Variants in HSPA4L observed in about 807,000 individuals in gnomAD.
HSPA4L encodes the protein heat shock protein family A (Hsp70) member 4 like, also known as heat shock 70 kDa protein 4L.
In HSPA4L, 48 loss-of-function variants were observed where a neutral mutation model predicts 100.3. The ratio of observed to expected loss-of-function variants is 0.48; its 90% CI spans 0.38 to 0.61. The LOEUF (loss-of-function observed/expected upper bound fraction) is 0.61. HSPA4L is among the 20% of genes least tolerant of loss of function. HSPA4L has a pLI of 0.00. For synonymous variants in HSPA4L, 319 were observed against 328.2 expected (o/e 0.97, Z 0.30); for missense variants, 886 against 988.6 (o/e 0.90, Z 1.39).
Position 127,794,108 on chromosome 4 carries a change from G to A in HSPA4L, c.139G>A (p.Ala47Thr), listed in dbSNP as rs1560652789. Residue 47 changes from alanine (A) to threonine (T), a missense_variant, in exon 2 of 19, where the codon GCC (alanine) becomes ACC (threonine). Physicochemically the swap from Ala to Thr is moderately conservative, Grantham distance 58 (BLOSUM62 0). Transcript: ENST00000296464. ...ACISLGSRTR[A>T]IGNAAKSQIV... ...TATATCATTGGGATCAAGAACTCGAGCCATTGGAAATGCAGCAAAGAGCCA... is the reference window on the plus strand; with the variant it reads ...TATATCATTGGGATCAAGAACTCGAACCATTGGAAATGCAGCAAAGAGCCA... 6.2e-7 allele frequency: 1 copy of A among 1,611,106 alleles called. No individual in the cohort carries two copies. The highest frequency in any genetic ancestry group is 8.5e-7 in the Non-Finnish European group (1 of 1,178,142).
At chr4:127,806,781 TTA>T (rs1733370206) in intron 10 of HSPA4L, among the ~76,000 whole-genome samples, 1 of 152,054 alleles carries the variant, frequency 6.6e-6, no homozygotes, top group South Asian at 2.1e-4. Context: ...CATTTTGAAG[TTA>T]TTTTTTAAAT....
intron 1 of HSPA4L, among the ~76,000 whole-genome samples, chr4:127,782,899 T>C (rs1459808850): frequency 6.6e-6 from 1 of 152,146 alleles, no homozygotes; most frequent in African/African-American, 2.4e-5. Flanking sequence ...CGCAGCTCTC[T>C]TTTCTGTACC....
chr4:127,834,657 GT>G lies in HSPA4L; in HGVS notation c.*1784del, dbSNP rs1734164265. 1 of 152,116 alleles carries G rather than the reference GT, an allele frequency of 6.6e-6. No individual in the cohort carries two copies. The highest frequency in any genetic ancestry group is 1.5e-5 in the Non-Finnish European group (1 of 67,992). The allele number at this position is 152,116 out of a possible 1,614,324, so 9.4% of individuals were successfully genotyped here. On this transcript the variant is annotated 3_prime_UTR_variant, in exon 19 of 19. Coordinates refer to ENST00000296464, the MANE Select transcript of HSPA4L (RefSeq NM_014278.4). ...GATGCTTTTTATTTGTATGTTGAAT[GT>G]ACAGATTCATTTCAAGAAAAGCATG...
At position 127,782,488 on chromosome 4, in the gene HSPA4L, G is replaced by C. The variant is rs763921070; in HGVS notation, c.-63G>C. 2.2e-6 allele frequency: 3 copies of C among 1,376,158 alleles called. No individual in the cohort carries two copies. The highest frequency in any genetic ancestry group is 3.1e-6 in the Non-Finnish European group (3 of 966,454). The allele number at this position is 1,376,158 out of a possible 1,614,324, so 85.2% of individuals were successfully genotyped here. A position where few individuals can be genotyped will look rare whatever the true frequency, so the allele number is the denominator to read the frequency against. ...TCGCAATCCCAGCAGCAATAGCCCA[G>C]AAGAGGACACGGTTCCCGTACCGAA... is the stretch of plus-strand genomic sequence containing the variant. On this transcript the variant is annotated 5_prime_UTR_variant, in exon 1 of 19. Transcript: ENST00000296464.
chr4:127,830,826 T>G (rs769811227), intron 18 of HSPA4L, 27 bp downstream of exon 18: 10 of 1,482,238 alleles, frequency 6.7e-6, no homozygotes, highest in Non-Finnish European at 9.0e-6. Context: ...ATTGCCTTTT[T>G]AATGGTTTCA....
At chr4:127,785,403 G>A (rs1204199851) in intron 1 of HSPA4L, among the ~76,000 whole-genome samples, 3 of 151,960 alleles carry the variant, frequency 2.0e-5, no homozygotes, top group South Asian at 2.1e-4. Flanking sequence ...AAGGGAAGGG[G>A]AAGTATTTAC....
chr4:127,791,486 C>T (rs1353588712), intron 1 of HSPA4L, among the ~76,000 whole-genome samples: 4 of 152,220 alleles, frequency 2.6e-5, no homozygotes, highest in African/African-American at 9.6e-5. Context: ...ATAAGCACAT[C>T]TCAATTCAGA....
chr4:127,830,647 T>C lies in HSPA4L; in HGVS notation c.2176T>C (p.Tyr726His). The C allele has an allele frequency of 6.3e-7, 1 of 1,580,026 alleles. No individual in the cohort carries two copies. The highest frequency in any genetic ancestry group is 1.4e-5 in the African/African-American group (1 of 72,432). The change falls in exon 18 of 19, where the codon TAT (tyrosine) becomes CAT (histidine). Residue 726 changes from tyrosine (Y) to histidine (H), a missense_variant. Tyr to His is a moderately conservative substitution (Grantham distance 83). Transcript: ENST00000296464. Reference protein sequence around the residue: ...IEAYRNKDERYDHLDPTEMEK... With the variant: ...IEAYRNKDERHDHLDPTEMEK... The stretch of plus-strand genomic sequence containing the variant: ...TTTTTTTTTTAAATAGGATGAAAGA[T>C]ATGATCATCTGGATCCTACTGAAAT...
intron 13 of HSPA4L, among the ~76,000 whole-genome samples, chr4:127,818,839 G>C (rs1733740191): frequency 6.6e-6 from 1 of 150,716 alleles, no homozygotes; most frequent in African/African-American, 2.4e-5. Context: ...TGTGACATGA[G>C]TGTACCTATA....
At chr4:127,798,407 C>T (rs1283488171) in intron 3 of HSPA4L, among the ~76,000 whole-genome samples, 180 bp from the exon 4 acceptor site, 1 of 152,162 alleles carries the variant, frequency 6.6e-6, no homozygotes. Flanking sequence ...TCAGAAATGA[C>T]ATAGTCACTG....
rs746236814 is a variant in HSPA4L at position 127,808,013 on chromosome 4, G to C, written c.1262G>C (p.Cys421Ser). ...EDGSGECEVF[C>S]KNHPAPFSKV... The stretch of plus-strand genomic sequence containing the variant: ...CATTTTAGGGAATGTGAAGTTTTCT[G>C]TAAGAACCATCCTGCCCCATTCTCA... Residue 421 changes from cysteine (C) to serine (S), a missense_variant, in exon 11 of 19, where the codon TGT (cysteine) becomes TCT (serine). Coordinates refer to ENST00000296464, the MANE Select transcript of HSPA4L (RefSeq NM_014278.4). 13 of 1,608,722 alleles carry C rather than the reference G, an allele frequency of 8.1e-6. No individual in the cohort carries two copies. In the South Asian group the frequency reaches 1.5e-4, roughly 18 times the overall value.
intron 11 of HSPA4L, chr4:127,809,126 T>G (rs1560661691): frequency 1.5e-6 from 1 of 684,878 alleles, no homozygotes; most frequent in African/African-American, 1.8e-5. Context: ...GATTGTGAAG[T>G]GCTCACCATT....
chr4:127,831,362 G>A (rs182383337), intron 18 of HSPA4L, among the ~76,000 whole-genome samples: 34 of 152,038 alleles, frequency 2.2e-4, no homozygotes, highest in South Asian at 1.7e-3. Context: ...TTAGCTGGGC[G>A]TGGTAGTGCA....
chr4:127,818,455 G>C, intron 13 of HSPA4L, 35 bp downstream of exon 13: 1 of 1,301,724 alleles, frequency 7.7e-7, no homozygotes, highest in South Asian at 1.4e-5. Flanking sequence ...ATGTCTTTTT[G>C]AAATTGATAT....
chr4:127,825,741 A>G (rs1733933620), intron 16 of HSPA4L, among the ~76,000 whole-genome samples: 1 of 151,886 alleles, frequency 6.6e-6, no homozygotes, highest in Non-Finnish European at 1.5e-5. Flanking sequence ...CCTGGCTAAC[A>G]TGGTGAAATC....
At chr4:127,786,196 C>T (rs1298259855) in intron 1 of HSPA4L, among the ~76,000 whole-genome samples, 1 of 152,058 alleles carries the variant, frequency 6.6e-6, no homozygotes, top group African/African-American at 2.4e-5. Context: ...CGTAAGAAGC[C>T]TAAAGCAAAG....
At chr4:127,799,358 A>G (rs1733110991) in intron 4 of HSPA4L, among the ~76,000 whole-genome samples, 1 of 152,108 alleles carries the variant, frequency 6.6e-6, no homozygotes, top group East Asian at 1.9e-4. Flanking sequence ...TTTTCTAGCC[A>G]TTTAGTAATA....
In HSPA4L at chr4:127,833,912, AAACTT is replaced by A. The variant is rs1479971319; in HGVS notation, c.*1043_*1047del. On this transcript the variant is annotated 3_prime_UTR_variant, in exon 19 of 19. Transcript: ENST00000296464. ...AGTCTTAGGAAATAATGTTTGTAAT[AAACTT>A]AACTATGTTACATATCAACAGGCAA... 3.3e-5 allele frequency: 5 copies of A among 152,212 alleles called. No individual in the cohort carries two copies. The highest frequency in any genetic ancestry group is 4.8e-5 in the African/African-American group (2 of 41,462). 9.4% of individuals were successfully genotyped at this position (152,212 alleles called of 1,614,324 possible). A position where few individuals can be genotyped will look rare whatever the true frequency, so the allele number is the denominator to read the frequency against.
Position 127,822,796 on chromosome 4 carries a change from G to A in HSPA4L, c.1840G>A (p.Glu614Lys). 6.2e-7 allele frequency: 1 copy of A among 1,613,764 alleles called. No homozygotes were observed. ...EGKMIMQDKLEKERNDAKNAV... is the reference protein window; with the variant it reads ...EGKMIMQDKLKKERNDAKNAV... ...GAAGATGATCATGCAAGATAAGTTA[G>A]AGAAAGAAAGAAATGATGCTAAGAA... Residue 614 changes from glutamate (E) to lysine (K), a missense_variant, in exon 15 of 19, where the codon GAG becomes AAG. Physicochemically the swap from Glu to Lys is moderately conservative, Grantham distance 56 (BLOSUM62 1). Transcript: ENST00000296464.
Sources: allele counts gnomAD v4.1 joint callset (sites outside exome capture counted in the v4.1 genomes callset), GRCh38; gene constraint gnomAD v4.1.1; transcripts MANE v1.5; gene names NCBI Gene and HGNC (gene_info 2026-07-23, HGNC 2026-07-21).